The following ADAMTS10 variants were observed in gnomAD, a reference collection of about 807,000 sequenced individuals.
ADAMTS10 encodes the protein A disintegrin and metalloproteinase with thrombospondin motifs 10.
ADAMTS10 carries 48 observed loss-of-function variants against 135.9 expected under a neutral mutation model. The ratio of observed to expected loss-of-function variants is 0.35; its 90% CI spans 0.28 to 0.45. The LOEUF (loss-of-function observed/expected upper bound fraction) is 0.45. Among genes scored for constraint, ADAMTS10 ranks in the 20% least tolerant of loss-of-function variants. The pLI, the probability that ADAMTS10 is intolerant of heterozygous loss-of-function variation, is 1.00. For synonymous variants in ADAMTS10, 621 were observed against 647.5 expected (o/e 0.96, Z 0.62); for missense variants, 1,131 against 1,565.2 (o/e 0.72, Z 4.68).
chr19:8,600,397 G>A lies in ADAMTS10; in HGVS notation c.810+531C>T, dbSNP rs924225232. Among the ~76,000 whole-genome samples, 15 of 151,674 alleles carry A rather than the reference G, an allele frequency of 9.9e-5. 1 individual carries two copies. Among genetic ancestry groups the A allele is most frequent in the African/African-American group, 2.2e-4 (9 of 41,256 alleles). On this transcript the variant is annotated intron_variant, in intron 6 of 25. Coordinates refer to ENST00000597188, the MANE Select transcript of ADAMTS10 (RefSeq NM_030957.4). ...TGTGCTTATGCTCTTTCTCCTCCTC[G>A]TTCATTGCCATATGCAACCAACCTA...
intron 5 of ADAMTS10, among the ~76,000 whole-genome samples, chr19:8,602,788 G>A (rs2042681035): frequency 6.6e-6 from 1 of 152,008 alleles, no homozygotes. Flanking sequence ...ACCACACCTG[G>A]CTTATTTTTT....
chr19:8,607,181 T>G (rs552108310), intron 2 of ADAMTS10, among the ~76,000 whole-genome samples: 3 of 152,232 alleles, frequency 2.0e-5, no homozygotes, highest in Middle Eastern at 3.4e-3. Context: ...CTGGGCCCTG[T>G]CTTTGGATTA....
chr19:8,595,527 G>T (rs782648579), intron 12 of ADAMTS10: 5 of 590,206 alleles, frequency 8.5e-6, no homozygotes, highest in East Asian at 3.4e-5. Context: ...TCAAATCAGG[G>T]GTCTGGAGAA....
intron 4 of ADAMTS10, 29 bp downstream of exon 4, chr19:8,604,983 C>A (rs782505276): frequency 6.4e-7 from 1 of 1,560,108 alleles, no homozygotes; most frequent in Non-Finnish European, 8.7e-7. Context: ...ATGGGCATTT[C>A]CCCCCGCGTT....
chr19:8,589,219 G>A (rs201149687), intron 18 of ADAMTS10, 23 bp downstream of exon 18: 2 of 1,612,078 alleles, frequency 1.2e-6, no homozygotes, highest in Admixed American at 1.7e-5. Context: ...AGGGAGTGTG[G>A]GAGGGAAGCT....
chr19:8,581,867 A>AC (rs1191693424), intron 25 of ADAMTS10, among the ~76,000 whole-genome samples: 6 of 151,066 alleles, frequency 4.0e-5, no homozygotes, highest in African/African-American at 9.7e-5. Context: ...AAACAAAAAA[A>AC]AAAAAAAGGA....
rs371338317 is a variant in ADAMTS10, at chr19:8,596,402, C to T, written c.1095G>A (p.Pro365=). ...TCTCGCGCTCACACATTCCGCCCACCGGGGCCAGGCCTGGGAAGACGGACA... is the reference window on the plus strand; with the variant it reads ...TCTCGCGCTCACACATTCCGCCCACTGGGGCCAGGCCTGGGAAGACGGACA... ...NKPCGTLGLA[P]VGGMCERERS... Residue 365 remains proline, a synonymous_variant, in exon 10 of 26, where the codon CCG becomes CCA. Coordinates refer to ENST00000597188, the MANE Select transcript of ADAMTS10 (RefSeq NM_030957.4). This position sits in a 1 kb window ranked among gnomAD's most constrained non-coding sequence, Gnocchi z 7.2. 48 of 1,613,318 alleles carry T rather than the reference C, an allele frequency of 3.0e-5. No homozygotes were observed. Among genetic ancestry groups the T allele is most frequent in the South Asian group, 5.5e-5 (5 of 91,016 alleles).
chr19:8,604,154 G>A (rs1163700518), intron 4 of ADAMTS10, among the ~76,000 whole-genome samples: 1 of 151,682 alleles, frequency 6.6e-6, no homozygotes, highest in East Asian at 1.9e-4. Flanking sequence ...GGGCTCAAGC[G>A]ATCCTCCTGC....
In ADAMTS10 at chr19:8,586,680, GCAGCCCCTCCAGCAGCAGGGAC is replaced by G; in HGVS notation, c.2259_2280del (p.Glu753AspfsTer12). 2 of 1,613,146 alleles carry G rather than the reference GCAGCCCCTCCAGCAGCAGGGAC, an allele frequency of 1.2e-6. No individual in the cohort carries two copies. Among genetic ancestry groups the G allele is most frequent in the Non-Finnish European group, 1.7e-6 (2 of 1,179,308 alleles). On this transcript the variant is annotated frameshift_variant, in exon 20 of 26. Coordinates refer to ENST00000597188, the MANE Select transcript of ADAMTS10 (RefSeq NM_030957.4). LOFTEE classifies it high-confidence loss of function. ...AGACGGTGGGGCTGGGGGGTCCCAG[GCAGCCCCTCCAGCAGCAGGGAC>G]TCCTGGTCTCCCTTCAGGGCTGGGG... is the stretch of plus-strand genomic sequence containing the variant.
chr19:8,599,934 A>G (rs1482492651), intron 6 of ADAMTS10, among the ~76,000 whole-genome samples: 1 of 152,008 alleles, frequency 6.6e-6, no homozygotes, highest in East Asian at 1.9e-4. Flanking sequence ...TCCCTGGTTC[A>G]AGCGATTCTC....
intron 12 of ADAMTS10, 62 bp from the exon 13 acceptor site, chr19:8,592,932 C>T (rs576235713): frequency 1.4e-5 from 21 of 1,494,362 alleles, no homozygotes; most frequent in East Asian, 2.3e-5. Flanking sequence ...GCAGCCCGCC[C>T]GGCTTGGGAG....
intron 22 of ADAMTS10, 101 bp from the exon 23 acceptor site, chr19:8,585,761 C>A: frequency 8.1e-7 from 1 of 1,237,500 alleles, no homozygotes; most frequent in Non-Finnish European, 1.2e-6. Context: ...AATCACCCAG[C>A]CTCATATGGA....
chr19:8,595,810 C>G lies in ADAMTS10; in HGVS notation c.1431G>C (p.Glu477Asp), dbSNP rs782450989. The change falls in exon 12 of 26, where the codon GAG becomes GAC. Residue 477 changes from glutamate (E) to aspartate (D), a missense_variant. By Grantham distance (45) the Glu-to-Asp change is conservative. Coordinates refer to ENST00000597188, the MANE Select transcript of ADAMTS10 (RefSeq NM_030957.4). Reference protein sequence around the residue: ...VAPGQAYDADEQCRFQHGVKS... With the variant: ...VAPGQAYDADDQCRFQHGVKS... ...TGACTCCATGCTGAAAGCGGCATTGCTCATCTGCATCGTAGGCTTGGCCCG... is the reference window on the plus strand; with the variant it reads ...TGACTCCATGCTGAAAGCGGCATTGGTCATCTGCATCGTAGGCTTGGCCCG... The G allele has an allele frequency of 4.3e-5, 69 of 1,614,098 alleles. No homozygotes were observed. Among genetic ancestry groups the G allele is most frequent in the Non-Finnish European group, 5.8e-5 (68 of 1,180,012 alleles).
In ADAMTS10 at chr19:8,600,999, C is replaced by A. The variant is rs377670805; in HGVS notation, c.739G>T (p.Ala247Ser). Residue 247 changes from alanine (A) to serine (S), a missense_variant, in exon 6 of 26, where the codon GCT becomes TCT. Physicochemically the swap from Ala to Ser is moderately conservative, Grantham distance 99 (BLOSUM62 1). Coordinates refer to ENST00000597188, the MANE Select transcript of ADAMTS10 (RefSeq NM_030957.4). ...TGATAGGCCACCATCATCTTGTCAG[C>A]CACCACCAGGGTCTCCACGTAGCGC... ...RERYVETLVV[A>S]DKMMVAYHGR... 24 of 1,614,092 alleles carry A rather than the reference C, an allele frequency of 1.5e-5. No homozygotes were observed. Among genetic ancestry groups the A allele is most frequent in the Non-Finnish European group, 2.5e-6 (3 of 1,180,056 alleles).
At chr19:8,582,303 A>G (rs2042364054) in intron 25 of ADAMTS10, among the ~76,000 whole-genome samples, 1 of 151,516 alleles carries the variant, frequency 6.6e-6, no homozygotes, top group Non-Finnish European at 1.5e-5. Flanking sequence ...CCCCGTCTCT[A>G]CTAAAAATAC....
chr19:8,592,009 C>T lies in ADAMTS10; in HGVS notation c.1682G>A (p.Arg561Gln). ...AGAGGACACGCCGCCGCCACAGGTC[C>T]GGCTGCAGTCGCCCCATGGAGTCCA... The part of the protein sequence containing the change: ...GPWTPWGDCS[R>Q]TCGGGVSSSS... Residue 561 changes from arginine to glutamine, a missense_variant, in exon 14 of 26, where the codon CGG becomes CAG. Physicochemically the swap from Arg to Gln is conservative, Grantham distance 43. This residue lies in a region of ADAMTS10 where 745 missense variants were observed against 1,056.3 expected (regional missense o/e 0.71). Transcript: ENST00000597188. The T allele has an allele frequency of 6.2e-7, 1 of 1,613,676 alleles. No homozygotes were observed. Among genetic ancestry groups the T allele is most frequent in the Non-Finnish European group, 8.5e-7 (1 of 1,179,836 alleles).
rs782609636 is a variant in ADAMTS10, at chr19:8,589,581, G to A, written c.1905C>T (p.Gly635=). ...GGCACGTGAGCGAGCAGGCCTTCAC[G>A]CCCCCTGGGGGGCACGGCCCCGTCA... ...FYKWKTYRGG[G]VKACSLTCLA... The change falls in exon 17 of 26, where the codon GGC becomes GGT. Residue 635 remains glycine (G), a synonymous_variant. Coordinates refer to ENST00000597188, the MANE Select transcript of ADAMTS10 (RefSeq NM_030957.4). The A allele has an allele frequency of 8.7e-6, 14 of 1,613,230 alleles. No individual in the cohort carries two copies. Among genetic ancestry groups the A allele is most frequent in the African/African-American group, 2.7e-5 (2 of 74,928 alleles).
chr19:8,585,019 G>C lies in ADAMTS10; in HGVS notation c.3078C>G (p.Arg1026=). 1 of 1,536,638 alleles carries C rather than the reference G, an allele frequency of 6.5e-7. No individual in the cohort carries two copies. Among genetic ancestry groups the C allele is most frequent in the Non-Finnish European group, 8.7e-7 (1 of 1,144,054 alleles). The part of the protein sequence containing the change: ...SAQCGVGQRQ[R]SVRCTSHTGQ... ...CCGTGTGGCTGGTGCAGCGCACCGA[G>C]CGCTGCCGCTGCCCGACGCCGCACT... Residue 1026 remains arginine (R), a synonymous_variant, in exon 25 of 26, where the codon CGC becomes CGG. Coordinates refer to ENST00000597188, the MANE Select transcript of ADAMTS10 (RefSeq NM_030957.4).
At chr19:8,584,298 C>T (rs1440655395) in intron 25 of ADAMTS10, among the ~76,000 whole-genome samples, 1 of 151,760 alleles carries the variant, frequency 6.6e-6, no homozygotes, top group Non-Finnish European at 1.5e-5. Flanking sequence ...TGTCTGGAGA[C>T]GTTTTTAGTT....
Sources: allele counts gnomAD v4.1 joint callset (sites outside exome capture counted in the v4.1 genomes callset), GRCh38; gene constraint gnomAD v4.1.1; regional missense constraint gnomAD v4.1.1; non-coding constraint Gnocchi (gnomAD v3.1); transcripts MANE v1.5; gene names NCBI Gene and HGNC (gene_info 2026-07-23, HGNC 2026-07-21).